PPP1R9A: variants seen among roughly 807,000 people sequenced by gnomAD.
The protein encoded by PPP1R9A is protein phosphatase 1 regulatory subunit 9A, also known as neurabin-1.
A neutral mutation model predicts 141.9 loss-of-function variants in PPP1R9A; 59 were observed. The ratio of observed to expected loss-of-function variants is 0.42; its 90% CI spans 0.34 to 0.52. The LOEUF (loss-of-function observed/expected upper bound fraction) is 0.52. PPP1R9A is among the 20% of genes least tolerant of loss of function. PPP1R9A has a pLI of 0.10. For missense variants in PPP1R9A, 1,444 were observed against 1,611.9 expected (o/e 0.90, Z 1.78); for synonymous variants, 500 against 569.7 (o/e 0.88, Z 1.74).
intron 2 of PPP1R9A, among the ~76,000 whole-genome samples, chr7:95,032,272 G>A (rs1807794591): frequency 6.6e-6 from 1 of 152,034 alleles, no homozygotes; most frequent in African/African-American, 2.4e-5. Context: ...GATGGTGCAG[G>A]TTCATGGACG....
intron 2 of PPP1R9A, among the ~76,000 whole-genome samples, chr7:94,969,519 C>A (rs774536152): frequency 6.6e-6 from 1 of 152,134 alleles, no homozygotes; most frequent in Non-Finnish European, 1.5e-5. Context: ...CCTCTGGAAG[C>A]TTTGTCTCAG....
At chr7:95,213,226 A>G (rs1241184367) in intron 7 of PPP1R9A, among the ~76,000 whole-genome samples, 1 of 151,940 alleles carries the variant, frequency 6.6e-6, no homozygotes, top group African/African-American at 2.4e-5. Flanking sequence ...TTAGGCAGTG[A>G]CAGGTTTGTT....
chr7:95,025,150 TCTGCCTCCTGGGTTCAAGCAATTCTC>T (rs1462692824), intron 2 of PPP1R9A, among the ~76,000 whole-genome samples: 2 of 151,986 alleles, frequency 1.3e-5, no homozygotes, highest in African/African-American at 4.8e-5. Context: ...CACTGCAACC[TCTGCCTCCTGGGTTCAAGCAATTCTC>T]CTGCCTCAGC....
intron 2 of PPP1R9A, among the ~76,000 whole-genome samples, chr7:95,022,824 G>A (rs527737841): frequency 6.6e-6 from 1 of 152,182 alleles, no homozygotes; most frequent in South Asian, 2.1e-4. Flanking sequence ...TCTCAGGGAT[G>A]AAGCCAACTT....
chr7:95,075,836 C>CA (rs1217055588), intron 2 of PPP1R9A, among the ~76,000 whole-genome samples: 40 of 149,114 alleles, frequency 2.7e-4, no homozygotes, highest in Admixed American at 2.1e-3. Flanking sequence ...GACTCCATCT[C>CA]AAAAAAAAAT....
At chr7:95,054,203 C>T (rs958111270) in intron 2 of PPP1R9A, among the ~76,000 whole-genome samples, 1 of 150,634 alleles carries the variant, frequency 6.6e-6, no homozygotes, top group African/African-American at 2.4e-5. Context: ...GCAACCTCTG[C>T]CTTCTGGGTT....
intron 5 of PPP1R9A, among the ~76,000 whole-genome samples, chr7:95,166,006 A>G (rs1434913589): frequency 2.0e-5 from 3 of 151,958 alleles, no homozygotes; most frequent in Non-Finnish European, 4.4e-5. Context: ...AAAATTAGCC[A>G]GGTGTGGTGG....
chr7:95,238,493 G>A (rs1411541351), intron 8 of PPP1R9A, among the ~76,000 whole-genome samples: 1 of 152,098 alleles, frequency 6.6e-6, no homozygotes, highest in African/African-American at 2.4e-5. Context: ...GTACTCTCCT[G>A]CTTCAGATCC....
At chr7:94,958,956 G>A (rs532773219) in intron 2 of PPP1R9A, among the ~76,000 whole-genome samples, 1 of 152,054 alleles carries the variant, frequency 6.6e-6, no homozygotes, top group East Asian at 1.9e-4. Context: ...ACAACTACTA[G>A]AAAGTTAATA....
At chr7:95,100,554 T>G (rs1818632375) in intron 2 of PPP1R9A, among the ~76,000 whole-genome samples, 1 of 152,196 alleles carries the variant, frequency 6.6e-6, no homozygotes, top group Admixed American at 6.5e-5. Flanking sequence ...AGATAAGAAC[T>G]GATTCTGAAA....
intron 4 of PPP1R9A, among the ~76,000 whole-genome samples, chr7:95,134,171 A>T (rs886088958): frequency 2.0e-5 from 3 of 152,134 alleles, no homozygotes; most frequent in Non-Finnish European, 4.4e-5. Context: ...CTTTGCAGGG[A>T]CATGGATGAA....
intron 2 of PPP1R9A, among the ~76,000 whole-genome samples, chr7:95,023,506 G>A (rs1033254269): frequency 4.6e-5 from 6 of 131,218 alleles, no homozygotes; most frequent in South Asian, 2.3e-4. Context: ...GGTATTTCTC[G>A]TCTTCTGCTA....
At chr7:95,105,699 G>A (rs1819417889) in intron 2 of PPP1R9A, among the ~76,000 whole-genome samples, 1 of 152,074 alleles carries the variant, frequency 6.6e-6, no homozygotes, top group African/African-American at 2.4e-5. Context: ...CCATTTTTTT[G>A]TAGAGCAATT....
intron 5 of PPP1R9A, among the ~76,000 whole-genome samples, chr7:95,177,541 A>G (rs1833078065): frequency 6.6e-6 from 1 of 152,166 alleles, no homozygotes; most frequent in African/African-American, 2.4e-5. Flanking sequence ...CTCAATACTA[A>G]CATTGAATGT....
At chr7:94,977,211 G>A (rs1799547895) in intron 2 of PPP1R9A, among the ~76,000 whole-genome samples, 1 of 152,140 alleles carries the variant, frequency 6.6e-6, no homozygotes, top group African/African-American at 2.4e-5. Flanking sequence ...TAGGGGAGAT[G>A]TCTGGGTTGA....
At chr7:95,224,862 A>G (rs1794929642) in intron 7 of PPP1R9A, among the ~76,000 whole-genome samples, 1 of 152,110 alleles carries the variant, frequency 6.6e-6, no homozygotes, top group African/African-American at 2.4e-5. Context: ...TAAAGGCAAT[A>G]TGAATTCCTG....
chr7:95,267,555 G>A (rs941523491), intron 12 of PPP1R9A, among the ~76,000 whole-genome samples: 4 of 151,918 alleles, frequency 2.6e-5, no homozygotes, highest in Admixed American at 6.6e-5. Context: ...TGTTAACTTC[G>A]GGGTCCTAAC....
intron 2 of PPP1R9A, among the ~76,000 whole-genome samples, chr7:95,021,094 G>A (rs1242242261): frequency 2.0e-5 from 3 of 152,164 alleles, no homozygotes; most frequent in African/African-American, 7.2e-5. Context: ...CCCACCAGTA[G>A]TGTAAAAGCA....
chr7:95,295,201 A>T lies in PPP1R9A; in HGVS notation c.*4898A>T, dbSNP rs1277728332. ...GAGGTCAGTCAGGACCTGGAGCTGT[A>T]ATCATAGCCTTATTGCCACTTCTTG... On this transcript the variant is annotated 3_prime_UTR_variant, in exon 20 of 20. Coordinates refer to ENST00000433360, the MANE Select transcript of PPP1R9A (RefSeq NM_001166160.2). 1 of 152,666 alleles carries T rather than the reference A, an allele frequency of 6.6e-6. No homozygotes were observed. Among genetic ancestry groups the T allele is most frequent in the African/African-American group, 2.4e-5 (1 of 41,454 alleles). 9.5% of individuals were successfully genotyped at this position (152,666 alleles called of 1,614,324 possible). A position where few individuals can be genotyped will look rare whatever the true frequency, so the allele number is the denominator to read the frequency against.
Sources: allele counts gnomAD v4.1 joint callset (sites outside exome capture counted in the v4.1 genomes callset), GRCh38; gene constraint gnomAD v4.1.1; transcripts MANE v1.5; gene names NCBI Gene and HGNC (gene_info 2026-07-23, HGNC 2026-07-21).